Variants in NOS1AP observed in about 807,000 individuals in gnomAD.
The protein encoded by NOS1AP is nitric oxide synthase 1 adaptor protein, also known as carboxyl-terminal PDZ ligand of neuronal nitric oxide synthase protein.
In NOS1AP, 21 loss-of-function variants were observed where a neutral mutation model predicts 56.2. The observed-to-expected ratio is 0.37, with a 90% CI of 0.26 to 0.54. The LOEUF (loss-of-function observed/expected upper bound fraction) is 0.54, where lower values mean the gene tolerates loss of function less well. Among genes scored for constraint, NOS1AP ranks in the 20% least tolerant of loss-of-function variants. NOS1AP has a pLI of 0.84. For synonymous variants in NOS1AP, 270 were observed against 274.6 expected (o/e 0.98, Z 0.17); for missense variants, 522 against 657.8 (o/e 0.79, Z 2.26).
At chr1:162,347,058 C>T (rs915784513) in intron 6 of NOS1AP, among the ~76,000 whole-genome samples, 4 of 152,144 alleles carry the variant, frequency 2.6e-5, no homozygotes, top group African/African-American at 7.2e-5. Context: ...ATTTTTAGAG[C>T]GTAATGGTGA....
chr1:162,082,851 C>T (rs4609404), intron 1 of NOS1AP, among the ~76,000 whole-genome samples: 145,968 of 151,204 alleles, frequency 0.97, 70,766 homozygotes, highest in Middle Eastern at 1. Flanking sequence ...CAGTCCACCA[C>T]GCACAATGGA....
intron 2 of NOS1AP, among the ~76,000 whole-genome samples, chr1:162,229,505 C>T (rs1405942708): frequency 6.6e-6 from 1 of 151,868 alleles, no homozygotes; most frequent in African/African-American, 2.4e-5. Flanking sequence ...ATTGTATCAT[C>T]CTTTATTTTT....
chr1:162,116,413 G>A (rs993616316), intron 1 of NOS1AP, among the ~76,000 whole-genome samples: 3 of 152,024 alleles, frequency 2.0e-5, no homozygotes, highest in Non-Finnish European at 4.4e-5. Flanking sequence ...GTGACCCTTC[G>A]CTCCCCAGGT....
intron 2 of NOS1AP, among the ~76,000 whole-genome samples, chr1:162,268,315 C>A (rs901798428): frequency 0.25 from 56 of 224 alleles, no homozygotes; most frequent in Middle Eastern, 0.5. Flanking sequence ...CCTGTAGCTC[C>A]CCCCCCCTAT....
intron 4 of NOS1AP, among the ~76,000 whole-genome samples, chr1:162,300,956 G>A (rs1184840114): frequency 1.3e-5 from 2 of 152,142 alleles, no homozygotes; most frequent in Non-Finnish European, 2.9e-5. Context: ...CCTCTCGGTT[G>A]TAATTGGAGA....
At chr1:162,195,582 A>G (rs1393562008) in intron 2 of NOS1AP, among the ~76,000 whole-genome samples, 1 of 152,102 alleles carries the variant, frequency 6.6e-6, no homozygotes, top group Non-Finnish European at 1.5e-5. Flanking sequence ...CCTCTACTTC[A>G]TGCAAACTGG....
intron 1 of NOS1AP, among the ~76,000 whole-genome samples, chr1:162,085,650 A>C (rs974532853): frequency 2.0e-5 from 3 of 152,158 alleles, no homozygotes; most frequent in African/African-American, 7.2e-5. Flanking sequence ...CTAAATGCAG[A>C]TGTAGAAATG....
chr1:162,294,212 GAAGGAAGGAAGGAAGA>G (rs1176510166), intron 3 of NOS1AP, among the ~76,000 whole-genome samples: 16 of 92,178 alleles, frequency 1.7e-4, no homozygotes, highest in African/African-American at 4.0e-4. Context: ...AGGAAGGAAG[GAAGGAAGGAAGGAAGA>G]AAGAAAGGAA....
At chr1:162,120,694 C>G (rs1571030138) in intron 1 of NOS1AP, among the ~76,000 whole-genome samples, 2 of 152,310 alleles carry the variant, frequency 1.3e-5, no homozygotes, top group African/African-American at 2.4e-5. Context: ...ACCGCCCCCC[C>G]CATGATTCGA....
chr1:162,237,458 A>G (rs1653336205), intron 2 of NOS1AP, among the ~76,000 whole-genome samples: 1 of 151,970 alleles, frequency 6.6e-6, no homozygotes, highest in East Asian at 1.9e-4. Context: ...CTGTTTCTCA[A>G]TTTTCCACAG....
intron 2 of NOS1AP, among the ~76,000 whole-genome samples, chr1:162,264,451 T>TCTCCTCTCCTCTCCTCTCCTCTCC (rs1411025665): frequency 2.2e-4 from 4 of 18,218 alleles, no homozygotes; most frequent in African/African-American, 7.5e-4. Flanking sequence ...TTCTCTTCTC[T>TCTCCTCTCCTCTCCTCTCCTCTCC]TCTCTTCTCT....
intron 4 of NOS1AP, among the ~76,000 whole-genome samples, chr1:162,315,219 C>T (rs1046025880): frequency 7.9e-5 from 12 of 152,228 alleles, no homozygotes; most frequent in Non-Finnish European, 1.5e-4. Context: ...AGGGCCAACC[C>T]TAACCCCAAA....
At chr1:162,356,815 C>T (rs970894811) in intron 7 of NOS1AP, 145 bp from the exon 8 acceptor site, 1 of 1,566,196 alleles carries the variant, frequency 6.4e-7, no homozygotes, top group Non-Finnish European at 8.7e-7. Context: ...GGCCTCTACT[C>T]CCATTTCCAT....
At chr1:162,077,440 A>G (rs1162863032) in intron 1 of NOS1AP, among the ~76,000 whole-genome samples, 5 of 152,062 alleles carry the variant, frequency 3.3e-5, no homozygotes, top group Non-Finnish European at 5.9e-5. Flanking sequence ...TGCCCATTTA[A>G]AAGTTGGATT....
In NOS1AP at chr1:162,310,549, T is replaced by C. The variant is rs192774189; in HGVS notation, c.344+9843T>C. 2.0e-5 allele frequency among the ~76,000 whole-genome samples: 3 copies of C among 152,328 alleles called. No homozygotes were observed. The East Asian group carries it at 5.8e-4, about 29-fold the overall frequency. On this transcript the variant is annotated intron_variant, in intron 4 of 9. Coordinates refer to ENST00000361897, the MANE Select transcript of NOS1AP (RefSeq NM_014697.3). ...TTCATGTAGAGTTGATGTTTTTATT[T>C]CCTCCGGCTTCAAAACCTTTCATTG...
chr1:162,092,471 GA>G (rs1404158435), intron 1 of NOS1AP, among the ~76,000 whole-genome samples: 1 of 152,176 alleles, frequency 6.6e-6, no homozygotes, highest in Non-Finnish European at 1.5e-5. Flanking sequence ...ACATTTCCAA[GA>G]AAAGTGTTTC....
At chr1:162,321,539 G>A (rs1656411955) in intron 4 of NOS1AP, among the ~76,000 whole-genome samples, 1 of 151,864 alleles carries the variant, frequency 6.6e-6, no homozygotes, top group Non-Finnish European at 1.5e-5. Flanking sequence ...TGGACACAGG[G>A]TGGGGGACAT....
Position 162,237,420 on chromosome 1 carries a change from C to G in NOS1AP, c.178-49924C>G, listed in dbSNP as rs985082440. On this transcript the variant is annotated intron_variant, in intron 2 of 9. Coordinates refer to ENST00000361897, the MANE Select transcript of NOS1AP (RefSeq NM_014697.3). ...TCTGCCAGTCAGTCAGCCACTCACTCTCAAGCCTTAGGCTAGTCACTTTCT... is the reference window on the plus strand; with the variant it reads ...TCTGCCAGTCAGTCAGCCACTCACTGTCAAGCCTTAGGCTAGTCACTTTCT... Among the ~76,000 whole-genome samples the G allele has an allele frequency of 4.6e-5, 7 of 152,332 alleles. No individual in the cohort carries two copies. The South Asian group carries it at 1.5e-3, about 32-fold the overall frequency.
intron 6 of NOS1AP, among the ~76,000 whole-genome samples, chr1:162,349,604 T>C (rs1415904919): frequency 6.6e-6 from 1 of 152,242 alleles, no homozygotes; most frequent in Non-Finnish European, 1.5e-5. Context: ...AGAGAATGTA[T>C]GTAAAGCAGC....
Sources: allele counts gnomAD v4.1 joint callset (sites outside exome capture counted in the v4.1 genomes callset), GRCh38; gene constraint gnomAD v4.1.1; transcripts MANE v1.5; gene names NCBI Gene and HGNC (gene_info 2026-07-23, HGNC 2026-07-21).